PPFIBP1: variants seen among roughly 807,000 people sequenced by gnomAD.
PPFIBP1 encodes the protein liprin-beta-1.
Under a neutral mutation model 137.8 loss-of-function variants are expected in PPFIBP1, and 112 were observed. The ratio of observed to expected loss-of-function variants is 0.81; its 90% CI spans 0.70 to 0.95. The LOEUF (loss-of-function observed/expected upper bound fraction) is 0.95. PPFIBP1 is among the 40% of genes least tolerant of loss of function. The probability of loss-of-function intolerance (pLI) is 0.00; values close to 1 mark genes in which losing one functional copy is unlikely to be tolerated. For synonymous variants in PPFIBP1, 378 were observed against 417.3 expected (o/e 0.91, Z 1.15); for missense variants, 1,083 against 1,196.6 (o/e 0.91, Z 1.40).
At chr12:27,533,289 C>T (rs562289875) in intron 1 of PPFIBP1, among the ~76,000 whole-genome samples, 2 of 152,220 alleles carry the variant, frequency 1.3e-5, no homozygotes, top group Non-Finnish European at 2.9e-5. Context: ...ATAATAATAC[C>T]TATCTTATCA....
At chr12:27,686,961 A>G (rs976946320) in intron 24 of PPFIBP1, among the ~76,000 whole-genome samples, 2 of 152,162 alleles carry the variant, frequency 1.3e-5, no homozygotes, top group African/African-American at 4.8e-5. Context: ...CTGAAAGGAA[A>G]CAGAGAGGGC....
Position 27,664,379 on chromosome 12 carries a change from T to A in PPFIBP1, c.924T>A (p.Asp308Glu), listed in dbSNP as rs2059731615. 1 of 1,611,180 alleles carries A rather than the reference T, an allele frequency of 6.2e-7. No homozygotes were observed. The highest frequency in any genetic ancestry group is 1.3e-5 in the African/African-American group (1 of 74,954). The change falls in exon 12 of 30, where the codon GAT (aspartate) becomes GAA (glutamate). Residue 308 changes from aspartate (D) to glutamate (E), a missense_variant. Coordinates refer to ENST00000228425, the MANE Select transcript of PPFIBP1 (RefSeq NM_003622.4). ...ANEEKDRKIE[D>E]LRQCLNRYKK... is the part of the protein sequence containing the mutation. ...ATTCCTAGGATCGGAAAATAGAAGA[T>A]CTTCGACAGTGCCTGAACAGGTACA...
chr12:27,567,503 T>C (rs938694899), intron 1 of PPFIBP1, among the ~76,000 whole-genome samples: 6 of 152,162 alleles, frequency 3.9e-5, no homozygotes, highest in Non-Finnish European at 8.8e-5. Flanking sequence ...TACTAAAATA[T>C]TCATGGAACA....
At chr12:27,553,320 C>T (rs1297659435) in intron 1 of PPFIBP1, among the ~76,000 whole-genome samples, 4 of 152,166 alleles carry the variant, frequency 2.6e-5, no homozygotes, top group African/African-American at 4.8e-5. Flanking sequence ...GGATGGTGCT[C>T]ACCCACACTC....
intron 1 of PPFIBP1, among the ~76,000 whole-genome samples, chr12:27,575,867 T>C (rs560370950): frequency 6.6e-6 from 1 of 152,358 alleles, no homozygotes; most frequent in South Asian, 2.1e-4. Flanking sequence ...CTTAAGTCTG[T>C]TTCTGAGGAA....
chr12:27,541,670 A>T (rs1210689934), intron 1 of PPFIBP1, among the ~76,000 whole-genome samples: 1 of 152,212 alleles, frequency 6.6e-6, no homozygotes, highest in Non-Finnish European at 1.5e-5. Context: ...CTTGAAGACG[A>T]AGGTAACAAC....
At chr12:27,578,763 C>G (rs1253414492) in intron 2 of PPFIBP1, among the ~76,000 whole-genome samples, 3 of 152,170 alleles carry the variant, frequency 2.0e-5, no homozygotes, top group Non-Finnish European at 4.4e-5. Context: ...TTGATTAATT[C>G]GATTCCATGT....
At chr12:27,590,337 G>A (rs1484120941) in intron 2 of PPFIBP1, among the ~76,000 whole-genome samples, 1 of 151,882 alleles carries the variant, frequency 6.6e-6, no homozygotes, top group East Asian at 1.9e-4. Flanking sequence ...CACCATACCT[G>A]GCTAATTTTT....
chr12:27,690,563 T>C (rs2061470864), intron 27 of PPFIBP1, among the ~76,000 whole-genome samples: 1 of 152,192 alleles, frequency 6.6e-6, no homozygotes. Context: ...GATTGAGCTA[T>C]GAGCATGCTA....
chr12:27,572,331 C>T (rs1466527440), intron 1 of PPFIBP1, among the ~76,000 whole-genome samples: 1 of 152,168 alleles, frequency 6.6e-6, no homozygotes, highest in African/African-American at 2.4e-5. Context: ...GCATATTACT[C>T]TACATATGTT....
chr12:27,557,360 C>T (rs931964651), intron 1 of PPFIBP1, among the ~76,000 whole-genome samples: 14 of 151,940 alleles, frequency 9.2e-5, no homozygotes, highest in East Asian at 5.8e-4. Flanking sequence ...CTCAGCCTCC[C>T]GAGTAGCTGG....
At chr12:27,533,863 A>T (rs868408163) in intron 1 of PPFIBP1, among the ~76,000 whole-genome samples, 3 of 152,270 alleles carry the variant, frequency 2.0e-5, no homozygotes, top group African/African-American at 7.2e-5. Context: ...GAAGTGGAGG[A>T]TGATGGTGGC....
At position 27,688,327 on chromosome 12, in the gene PPFIBP1, G is replaced by C. The variant is rs138941072; in HGVS notation, c.2400G>C (p.Lys800Asn). ...CCATCGCCCCATCAGAAGTTCAGAAGTGGACTAACCATCGAGTGATGGAGT... is the reference window on the plus strand; with the variant it reads ...CCATCGCCCCATCAGAAGTTCAGAACTGGACTAACCATCGAGTGATGGAGT... Reference protein sequence around the residue: ...ENTIAPSEVQKWTNHRVMEWL... With the variant: ...ENTIAPSEVQNWTNHRVMEWL... Residue 800 changes from lysine (K) to asparagine (N), a missense_variant, in exon 26 of 30, where the codon AAG (lysine) becomes AAC (asparagine). Physicochemically the swap from Lys to Asn is moderately conservative, Grantham distance 94. Transcript: ENST00000228425. The C allele has an allele frequency of 2.4e-3, 3,808 of 1,614,128 alleles. 6 individuals carry two copies. The highest frequency in any genetic ancestry group is 2.9e-3 in the Non-Finnish European group (3,478 of 1,179,998).
chr12:27,613,723 A>G (rs1202151382), intron 2 of PPFIBP1, among the ~76,000 whole-genome samples: 2 of 151,870 alleles, frequency 1.3e-5, no homozygotes, highest in East Asian at 1.9e-4. Flanking sequence ...AAAAAGAAAA[A>G]AAAATTCACT....
intron 2 of PPFIBP1, among the ~76,000 whole-genome samples, chr12:27,590,286 C>T (rs7297561): frequency 0.091 from 13,892 of 152,072 alleles, 752 homozygotes; most frequent in African/African-American, 0.14. Context: ...AATGATCCTC[C>T]GGCCTCAGCC....
intron 1 of PPFIBP1, among the ~76,000 whole-genome samples, chr12:27,560,714 G>T (rs946038103): frequency 1.3e-5 from 2 of 152,150 alleles, no homozygotes; most frequent in Non-Finnish European, 2.9e-5. Flanking sequence ...GAGAGGGCTT[G>T]GGTAATTTGA....
At chr12:27,621,306 A>G (rs2056324228) in intron 2 of PPFIBP1, among the ~76,000 whole-genome samples, 1 of 152,272 alleles carries the variant, frequency 6.6e-6, no homozygotes, top group Admixed American at 6.5e-5. Context: ...ACCATAGGTC[A>G]TAGTTTGCCA....
intron 3 of PPFIBP1, 92 bp from the exon 4 acceptor site, chr12:27,634,818 T>G (rs2057536618): frequency 9.9e-7 from 1 of 1,015,072 alleles, no homozygotes; most frequent in Non-Finnish European, 1.5e-6. Flanking sequence ...TGATTGTTCC[T>G]TACTGTGACT....
rs1437528574 is a variant in PPFIBP1, at chr12:27,541,238, C to CGT, written c.-124+16887_-124+16888dup. Among the ~76,000 whole-genome samples the CGT allele has an allele frequency of 4.7e-4, 70 of 149,932 alleles. 1 individual carries two copies. The highest frequency in any genetic ancestry group is 2.5e-3 in the Admixed American group (37 of 15,034). On this transcript the variant is annotated intron_variant, in intron 1 of 29. Coordinates refer to ENST00000228425, the MANE Select transcript of PPFIBP1 (RefSeq NM_003622.4). ...ACTATGTATCATGGGAAAACTTGCA[C>CGT]GTGTGTGTGTGTGTGAGAGAGAGAG...
Sources: allele counts gnomAD v4.1 joint callset (sites outside exome capture counted in the v4.1 genomes callset), GRCh38; gene constraint gnomAD v4.1.1; transcripts MANE v1.5; gene names NCBI Gene and HGNC (gene_info 2026-07-23, HGNC 2026-07-21).